The following CARS2 variants were observed in gnomAD, a reference collection of about 807,000 sequenced individuals.
The protein encoded by CARS2 is cysteinyl-tRNA synthetase 2, mitochondrial, also known as probable cysteine--tRNA ligase, mitochondrial.
A neutral mutation model predicts 68.8 loss-of-function variants in CARS2; 52 were observed. That is an observed-to-expected ratio of 0.76 (90% CI 0.61 to 0.95). CARS2 has a LOEUF of 0.95. Among genes scored for constraint, CARS2 ranks in the 40% least tolerant of loss-of-function variants. The probability of loss-of-function intolerance (pLI) is 0.00; values close to 1 mark genes in which losing one functional copy is unlikely to be tolerated. For missense variants in CARS2, 780 were observed against 754.2 expected, an observed-to-expected ratio of 1.03 and a Z score of -0.40; for synonymous variants, 314 against 303.6, an observed-to-expected ratio of 1.03 and a Z score of -0.36.
chr13:110,693,224 C>T (rs902406184), intron 3 of CARS2, among the ~76,000 whole-genome samples: 1 of 151,932 alleles, frequency 6.6e-6, no homozygotes, highest in Admixed American at 6.6e-5. Flanking sequence ...ACCCCAAACA[C>T]CCAATACTCC....
intron 13 of CARS2, chr13:110,643,626 C>G (rs1263702143): frequency 6.5e-6 from 1 of 154,402 alleles, no homozygotes; most frequent in Non-Finnish European, 1.4e-5. Context: ...CCCAAAAGAG[C>G]CAGAGCGCCT....
At chr13:110,707,951 T>C (rs796280683), upstream of CARS2, among the ~76,000 whole-genome samples, 5 of 152,360 alleles carry the variant, frequency 3.3e-5, no homozygotes, top group African/African-American at 1.2e-4. Context: ...TAGGAGACCC[T>C]ATAGCCTACA....
chr13:110,676,992 T>G lies in CARS2; in HGVS notation c.767A>C (p.Glu256Ala). Reference sequence around the variant, plus strand: ...ACCTTACCTAGCGATGGCAGAGCACTCGATGTGCCAGCCCGGCCTCCCGGG... The same window carrying G: ...ACCTTACCTAGCGATGGCAGAGCACGCGATGTGCCAGCCCGGCCTCCCGGG... ...WGPGRPGWHI[E>A]CSAIASMVFG... Residue 256 changes from glutamate (E) to alanine (A), a missense_variant, in exon 7 of 15, where the codon GAG becomes GCG. Coordinates refer to ENST00000257347, the MANE Select transcript of CARS2 (RefSeq NM_024537.4). The surrounding 1 kb of genome is among the most constrained non-coding windows in gnomAD (Gnocchi z 4.0). The G allele has an allele frequency of 6.3e-7, 1 of 1,591,990 alleles. No individual in the cohort carries two copies. The highest frequency in any genetic ancestry group is 8.6e-7 in the Non-Finnish European group (1 of 1,165,266).
intron 1 of CARS2, chr13:110,712,992 C>G: frequency 6.5e-7 from 1 of 1,548,532 alleles, no homozygotes; most frequent in South Asian, 1.2e-5. Flanking sequence ...GTCTCCCGCG[C>G]ACTCTGCGGC....
At chr13:110,712,805 A>G (rs997696102) in intron 1 of CARS2, 1 of 783,488 alleles carries the variant, frequency 1.3e-6, no homozygotes, top group Admixed American at 2.0e-5. Context: ...CCTCGGGCCT[A>G]TCCACCTCTT....
intron 7 of CARS2, among the ~76,000 whole-genome samples, chr13:110,669,249 C>T (rs2062735876): frequency 6.6e-6 from 1 of 152,128 alleles, no homozygotes; most frequent in South Asian, 2.1e-4. Flanking sequence ...CAAGGCCTTC[C>T]CTCCTGGTGG....
intron 13 of CARS2, chr13:110,643,896 C>G (rs1207715778): frequency 7.0e-6 from 2 of 284,608 alleles, no homozygotes; most frequent in Non-Finnish European, 1.4e-5. Flanking sequence ...TGTGGAGAAG[C>G]CTGGCAGCGT....
At chr13:110,687,879 G>A in intron 4 of CARS2, 53 bp from the exon 5 acceptor site, 1 of 1,557,370 alleles carries the variant, frequency 6.4e-7, no homozygotes, top group African/African-American at 1.4e-5. Context: ...GCACAGGTCA[G>A]CCAGCACCAG....
chr13:110,694,510 G>T (rs866677613), intron 3 of CARS2, among the ~76,000 whole-genome samples: 2 of 151,854 alleles, frequency 1.3e-5, no homozygotes, highest in Non-Finnish European at 2.9e-5. Context: ...AGTGGTGTAC[G>T]CCTGTAGTCC....
At chr13:110,678,788 G>GA (rs2063048363) in intron 6 of CARS2, among the ~76,000 whole-genome samples, 1 of 152,160 alleles carries the variant, frequency 6.6e-6, no homozygotes, top group African/African-American at 2.4e-5. Context: ...GAAACTGCTG[G>GA]GGAATGAGCT....
chr13:110,677,041 C>T lies in CARS2; in HGVS notation c.718G>A (p.Val240Met). ...GGTCCCCAGGGAGAGGCCCAGAACA[C>T]CTCCTGGGGTTTGGCCGCCTTCCAC... ...ALWKAAKPQE[V>M]FWASPWGPGR... The change falls in exon 7 of 15, where the codon GTG (valine) becomes ATG (methionine). Residue 240 changes from valine (V) to methionine (M), a missense_variant. Val to Met is a conservative substitution (Grantham distance 21). Transcript: ENST00000257347. 6.2e-7 allele frequency: 1 copy of T among 1,611,270 alleles called. No homozygotes were observed. Among genetic ancestry groups the T allele is most frequent in the Non-Finnish European group, 8.5e-7 (1 of 1,178,002 alleles).
chr13:110,683,636 T>C (rs1328564973), intron 5 of CARS2, among the ~76,000 whole-genome samples: 1 of 152,248 alleles, frequency 6.6e-6, no homozygotes, highest in African/African-American at 2.4e-5. Context: ...AAAGACACTC[T>C]TTCTTTACTT....
intron 14 of CARS2, 37 bp downstream of exon 14, chr13:110,642,278 C>G: frequency 6.6e-7 from 1 of 1,513,046 alleles, no homozygotes; most frequent in Non-Finnish European, 9.0e-7. Flanking sequence ...CTACCCGGCT[C>G]CTGGGGTGAT....
intron 3 of CARS2, among the ~76,000 whole-genome samples, chr13:110,697,552 C>T (rs900787524): frequency 5.3e-5 from 8 of 152,230 alleles, no homozygotes; most frequent in Non-Finnish European, 1.0e-4. Flanking sequence ...AAGTACTTCT[C>T]GTGTCTCAGC....
chr13:110,686,006 A>AG (rs199722461), intron 5 of CARS2, among the ~76,000 whole-genome samples: 4,617 of 149,424 alleles, frequency 0.031, 269 homozygotes, highest in African/African-American at 0.11. Flanking sequence ...AAAAAAAAAA[A>AG]AGAGAAAAAA....
intron 13 of CARS2, chr13:110,643,205 C>G (rs1251756171): frequency 5.7e-6 from 1 of 175,934 alleles, no homozygotes; most frequent in Non-Finnish European, 1.2e-5. Context: ...TTGGGCCTTG[C>G]GGCCAGAGGA....
At chr13:110,687,245 C>A (rs2063326221) in intron 5 of CARS2, among the ~76,000 whole-genome samples, 1 of 152,186 alleles carries the variant, frequency 6.6e-6, no homozygotes, top group Non-Finnish European at 1.5e-5. Context: ...CGCAAAGAGA[C>A]ACAATATTGT....
intron 3 of CARS2, among the ~76,000 whole-genome samples, chr13:110,694,582 G>C (rs1300711625): frequency 2.6e-5 from 4 of 151,856 alleles, no homozygotes; most frequent in African/African-American, 4.8e-5. Context: ...GGTTGCGCTG[G>C]GCTGAGATCC....
intron 2 of CARS2, 32 bp from the exon 3 acceptor site, chr13:110,701,587 T>C (rs1566356929): frequency 5.4e-6 from 5 of 922,242 alleles, no homozygotes; most frequent in Non-Finnish European, 9.1e-6. Context: ...GATGTCTTTA[T>C]TACACAAAGT....
Sources: allele counts gnomAD v4.1 joint callset (sites outside exome capture counted in the v4.1 genomes callset), GRCh38; gene constraint gnomAD v4.1.1; non-coding constraint Gnocchi (gnomAD v3.1); transcripts MANE v1.5; gene names NCBI Gene and HGNC (gene_info 2026-07-23, HGNC 2026-07-21).